CHCHD6: variants seen among roughly 807,000 people sequenced by gnomAD.
The protein encoded by CHCHD6 is coiled-coil-helix-coiled-coil-helix domain containing 6.
CHCHD6 carries 28 observed loss-of-function variants against 32.3 expected under a neutral mutation model. The observed-to-expected ratio is 0.87, with a 90% confidence interval of 0.64 to 1.19. CHCHD6 has a LOEUF of 1.19. Ranked by LOEUF, CHCHD6 falls within the 50% of genes most tolerant of loss-of-function variation. CHCHD6 has a pLI of 0.00. For synonymous variants in CHCHD6, 122 were observed against 117.5 expected (o/e 1.04, Z -0.25); for missense variants, 333 against 307.0 (o/e 1.08, Z -0.63).
At chr3:126,768,265 C>T (rs1260861383) in intron 4 of CHCHD6, among the ~76,000 whole-genome samples, 2 of 152,152 alleles carry the variant, frequency 1.3e-5, no homozygotes, top group African/African-American at 4.8e-5. Flanking sequence ...AGCACCTCCC[C>T]TAACCTCTCT....
intron 4 of CHCHD6, among the ~76,000 whole-genome samples, chr3:126,735,120 T>A (rs116149348): frequency 2.9e-3 from 436 of 152,258 alleles, no homozygotes; most frequent in Non-Finnish European, 5.2e-3. Context: ...ACCCCTATCC[T>A]GGAGATGACG....
At chr3:126,829,609 G>T (rs188743928) in intron 4 of CHCHD6, among the ~76,000 whole-genome samples, 2 of 152,080 alleles carry the variant, frequency 1.3e-5, no homozygotes, top group Admixed American at 1.3e-4. Flanking sequence ...AGTCATGAGG[G>T]TGGGGCCTCC....
At chr3:126,843,241 G>A (rs1941171860) in intron 4 of CHCHD6, among the ~76,000 whole-genome samples, 1 of 152,110 alleles carries the variant, frequency 6.6e-6, no homozygotes, top group Admixed American at 6.5e-5. Flanking sequence ...CTAGCATCCT[G>A]CTGGCGTAAA....
chr3:126,937,987 G>A (rs142660295), intron 6 of CHCHD6, among the ~76,000 whole-genome samples: 3 of 152,274 alleles, frequency 2.0e-5, no homozygotes, highest in African/African-American at 7.2e-5. Context: ...AGAAAACAGG[G>A]GATTCCCAGG....
intron 5 of CHCHD6, among the ~76,000 whole-genome samples, chr3:126,892,288 C>T (rs1244380088): frequency 6.6e-6 from 1 of 152,166 alleles, no homozygotes; most frequent in Non-Finnish European, 1.5e-5. Context: ...GGCGCTGTGA[C>T]TTAAAGAGAC....
intron 4 of CHCHD6, among the ~76,000 whole-genome samples, chr3:126,834,618 T>G (rs1940779709): frequency 6.6e-6 from 1 of 152,140 alleles, no homozygotes; most frequent in Non-Finnish European, 1.5e-5. Flanking sequence ...TCTCTATCAG[T>G]CCCTCCTTTC....
chr3:126,941,947 T>G (rs1207816753), intron 6 of CHCHD6, among the ~76,000 whole-genome samples: 2 of 152,218 alleles, frequency 1.3e-5, no homozygotes, highest in Non-Finnish European at 2.9e-5. Context: ...GTCGTTTCCT[T>G]TCTGGTCCAG....
intron 4 of CHCHD6, among the ~76,000 whole-genome samples, chr3:126,802,686 A>G (rs1939143802): frequency 6.6e-6 from 1 of 152,218 alleles, no homozygotes; most frequent in Non-Finnish European, 1.5e-5. Context: ...CATGCAGGCC[A>G]ACATTCAAAT....
At chr3:126,718,539 T>C (rs1935131406) in intron 1 of CHCHD6, among the ~76,000 whole-genome samples, 1 of 152,204 alleles carries the variant, frequency 6.6e-6, no homozygotes. Flanking sequence ...TGCAAAGCAC[T>C]GAGTTCCTGA....
At chr3:126,796,065 C>T (rs935964799) in intron 4 of CHCHD6, among the ~76,000 whole-genome samples, 1 of 152,068 alleles carries the variant, frequency 6.6e-6, no homozygotes, top group African/African-American at 2.4e-5. Flanking sequence ...ATATTCTTGG[C>T]CAGGTGTAGT....
chr3:126,863,293 ACCTCCTCCT>A (rs1204625102), intron 5 of CHCHD6, among the ~76,000 whole-genome samples: 2 of 106,158 alleles, frequency 1.9e-5, no homozygotes, highest in Admixed American at 1.9e-4. Flanking sequence ...CATCATCACC[ACCTCCTCCT>A]CCTCCTCCTC....
intron 4 of CHCHD6, among the ~76,000 whole-genome samples, chr3:126,830,907 G>A (rs1335962492): frequency 2.0e-5 from 3 of 152,066 alleles, no homozygotes; most frequent in East Asian, 1.9e-4. Context: ...ACTCACTCTC[G>A]GCTCCAGCAA....
intron 2 of CHCHD6, among the ~76,000 whole-genome samples, chr3:126,727,625 C>T (rs1017602188): frequency 8.5e-5 from 13 of 152,232 alleles, no homozygotes. Context: ...GCAGCCCTCA[C>T]CTGAGCCTCA....
At chr3:126,752,458 G>A (rs1332689608) in intron 4 of CHCHD6, among the ~76,000 whole-genome samples, 1 of 152,204 alleles carries the variant, frequency 6.6e-6, no homozygotes, top group Non-Finnish European at 1.5e-5. Context: ...GCTGGGAGAA[G>A]GCCTTGGGCA....
intron 5 of CHCHD6, among the ~76,000 whole-genome samples, chr3:126,866,307 A>G (rs1343794813): frequency 6.6e-6 from 1 of 152,222 alleles, no homozygotes; most frequent in Admixed American, 6.5e-5. Flanking sequence ...CTTCACCTGC[A>G]CTGACTCCTT....
intron 4 of CHCHD6, among the ~76,000 whole-genome samples, chr3:126,771,997 G>A (rs1473447949): frequency 6.6e-6 from 1 of 150,922 alleles, no homozygotes; most frequent in East Asian, 1.9e-4. Context: ...GTTGAGTCCA[G>A]GTCTTGAGTA....
chr3:126,941,546 A>T (rs1341594831), intron 6 of CHCHD6, among the ~76,000 whole-genome samples: 2 of 152,208 alleles, frequency 1.3e-5, no homozygotes, highest in African/African-American at 4.8e-5. Flanking sequence ...AAGAAAATCT[A>T]GATAGACTCT....
At chr3:126,898,262 T>C (rs2077869660) in intron 5 of CHCHD6, among the ~76,000 whole-genome samples, 1 of 152,250 alleles carries the variant, frequency 6.6e-6, no homozygotes, top group Admixed American at 6.5e-5. Flanking sequence ...GGAAAGTTTG[T>C]TTTGTTTTGC....
At chr3:126,792,278 A>G (rs1441137267) in intron 4 of CHCHD6, among the ~76,000 whole-genome samples, 8 of 144,146 alleles carry the variant, frequency 5.5e-5, no homozygotes, top group South Asian at 2.1e-4. Flanking sequence ...ATATATTAGA[A>G]TATATATTCT....
Sources: allele counts gnomAD v4.1 joint callset (sites outside exome capture counted in the v4.1 genomes callset), GRCh38; gene constraint gnomAD v4.1.1; transcripts MANE v1.5; gene names NCBI Gene and HGNC (gene_info 2026-07-23, HGNC 2026-07-21).